TBC1D7: variants seen among roughly 807,000 people sequenced by gnomAD.
TBC1D7 encodes TBC domain family 7.
A neutral mutation model predicts 35.3 loss-of-function variants in TBC1D7; 33 were observed. The observed-to-expected ratio is 0.93, with a 90% CI of 0.71 to 1.25. The LOEUF (loss-of-function observed/expected upper bound fraction) is 1.25, where lower values mean the gene tolerates loss of function less well. Among genes scored for constraint, TBC1D7 ranks in the 50% most tolerant of loss-of-function variants. The pLI is 0.00. For synonymous variants in TBC1D7, 135 were observed against 129.5 expected (o/e 1.04, Z -0.29); for missense variants, 362 against 365.3 (o/e 0.99, Z 0.07).
chr6:13,327,966 A>G (rs1411120263), intron 1 of TBC1D7: 1 of 152,204 alleles, frequency 6.6e-6, no homozygotes, highest in Non-Finnish European at 1.5e-5. Flanking sequence ...GTCACAGGAA[A>G]GATTAGGATT....
chr6:13,318,469 C>T (rs1041416007), intron 4 of TBC1D7, among the ~76,000 whole-genome samples: 2 of 152,178 alleles, frequency 1.3e-5, no homozygotes, highest in Non-Finnish European at 2.9e-5. Flanking sequence ...AATTTAAGAA[C>T]TTGTGTAGTA....
chr6:13,316,630 T>C lies in TBC1D7; in HGVS notation c.460A>G (p.Ile154Val), dbSNP rs2127533914. ...AATTGGTTCACAAAGCGTCGGGTGA[T>C]CCAGTAACAGTCGACACTATCTTCC... is the stretch of plus-strand genomic sequence containing the variant. ...MVEDSVDCYWITRRFVNQLNT... is the reference protein window; with the variant it reads ...MVEDSVDCYWVTRRFVNQLNT... The change falls in exon 5 of 8, where the codon ATC becomes GTC. Residue 154 changes from isoleucine to valine, a missense_variant. Physicochemically the swap from Ile to Val is conservative, Grantham distance 29. Coordinates refer to ENST00000379300, the MANE Select transcript of TBC1D7 (RefSeq NM_016495.6). 1 of 1,613,840 alleles carries C rather than the reference T, an allele frequency of 6.2e-7. No individual in the cohort carries two copies. The highest frequency in any genetic ancestry group is 1.7e-4 in the Middle Eastern group (1 of 6,060).
At chr6:13,326,620 A>G (rs762804955) in intron 2 of TBC1D7, among the ~76,000 whole-genome samples, 167 bp downstream of exon 2, 7 of 152,214 alleles carry the variant, frequency 4.6e-5, no homozygotes, top group Non-Finnish European at 1.0e-4. Context: ...CGCTCAGTGA[A>G]ATATAAATTT....
At chr6:13,306,579 T>C (rs770891954) in intron 6 of TBC1D7, 52 bp from the exon 7 acceptor site, 18 of 1,387,082 alleles carry the variant, frequency 1.3e-5, no homozygotes, top group Non-Finnish European at 1.7e-5. Context: ...GAATTATGTT[T>C]AGCCTAGACA....
chr6:13,325,226 T>A lies in TBC1D7; in HGVS notation c.113-52A>T, dbSNP rs112248527. The A allele has an allele frequency of 2.9e-3, 3,779 of 1,307,668 alleles. 57 individuals carry two copies. Among genetic ancestry groups the A allele is most frequent in the African/African-American group, 0.028 (1,889 of 68,168 alleles). 81.0% of individuals were successfully genotyped at this position (1,307,668 alleles called of 1,614,324 possible). On this transcript the variant is annotated intron_variant, in intron 2 of 7. Coordinates refer to ENST00000379300, the MANE Select transcript of TBC1D7 (RefSeq NM_016495.6). ...GAAGCTTTTCATGCTGATCACAGTA[T>A]GTCAAGGCACATTTCATTTTTTAAA...
At position 13,323,399 on chromosome 6, in the gene TBC1D7, G is replaced by C. The variant is rs527395217; in HGVS notation, c.193+1695C>G. On this transcript the variant is annotated intron_variant, in intron 3 of 7. Transcript: ENST00000379300. ...GAAAGAATGGTTAAGAAGAGTAGAA[G>C]TGAGGAATAAGCCAGATAGGCTGTA... 1.3e-4 allele frequency among the ~76,000 whole-genome samples: 20 copies of C among 152,010 alleles called. 1 individual carries two copies. In the South Asian group the frequency reaches 4.0e-3, roughly 30 times the overall value.
chr6:13,305,277 A>G (rs1782732342), intron 7 of TBC1D7, 90 bp from the exon 8 acceptor site: 1 of 1,245,058 alleles, frequency 8.0e-7, no homozygotes, highest in East Asian at 2.4e-5. Flanking sequence ...ATCCACTTCC[A>G]TGGGAGTTTG....
At chr6:13,320,680 G>A in intron 4 of TBC1D7, 1 of 655,292 alleles carries the variant, frequency 1.5e-6, no homozygotes, top group Non-Finnish European at 2.7e-6. Context: ...AACTTTTCTG[G>A]AAGTTTGAAA....
chr6:13,315,392 T>A (rs1186360380), intron 5 of TBC1D7, among the ~76,000 whole-genome samples: 1 of 152,232 alleles, frequency 6.6e-6, no homozygotes, highest in Non-Finnish European at 1.5e-5. Context: ...GCTTACCTCA[T>A]TACAGGAATA....
intron 4 of TBC1D7, chr6:13,318,096 A>G (rs34307819): frequency 0.19 from 29,353 of 152,254 alleles, 3,979 homozygotes; most frequent in African/African-American, 0.38. Flanking sequence ...CAGCCCCCTC[A>G]CCATGTGATA....
At chr6:13,324,135 T>G (rs962303135) in intron 3 of TBC1D7, among the ~76,000 whole-genome samples, 2 of 89,918 alleles carry the variant, frequency 2.2e-5, no homozygotes, top group African/African-American at 4.0e-5. Flanking sequence ...TGTTTTTTGT[T>G]TTTTTTTTTG....
At position 13,306,384 on chromosome 6, in the gene TBC1D7, C is replaced by A; in HGVS notation, c.795+14G>T. 1.3e-6 allele frequency: 2 copies of A among 1,578,088 alleles called. No individual in the cohort carries two copies. The highest frequency in any genetic ancestry group is 2.4e-5 in the South Asian group (2 of 82,908). ...TTCATTTCCAGATTCAAAATCAAAT[C>A]AAAGCACACTTACATTTTCCAGAAA... is the stretch of plus-strand genomic sequence containing the variant. On this transcript the variant is annotated intron_variant, in intron 7 of 7. Transcript: ENST00000379300.
intron 5 of TBC1D7, among the ~76,000 whole-genome samples, chr6:13,309,192 C>G (rs1266538252): frequency 1.3e-5 from 2 of 152,168 alleles, no homozygotes. Flanking sequence ...GATATATGCA[C>G]TTTTTTCCTA....
At position 13,328,441 on chromosome 6, in the gene TBC1D7, G is replaced by A. The variant is rs1289971236; in HGVS notation, c.-154C>T. The A allele has an allele frequency of 6.6e-6, 1 of 151,796 alleles. No individual in the cohort carries two copies. The highest frequency in any genetic ancestry group is 1.5e-5 in the Non-Finnish European group (1 of 67,208). 9.4% of individuals were successfully genotyped at this position (151,796 alleles called of 1,614,324 possible). ...AGGGACGAGTCCTGCGGGAAGGAGGGAGGCGGCGGGGTACCTGGGACACCC... is the reference window on the plus strand; with the variant it reads ...AGGGACGAGTCCTGCGGGAAGGAGGAAGGCGGCGGGGTACCTGGGACACCC... On this transcript the variant is annotated 5_prime_UTR_variant, in exon 1 of 8. Coordinates refer to ENST00000379300, the MANE Select transcript of TBC1D7 (RefSeq NM_016495.6).
At chr6:13,316,238 G>A (rs1215093602) in intron 5 of TBC1D7, among the ~76,000 whole-genome samples, 1 of 152,212 alleles carries the variant, frequency 6.6e-6, no homozygotes, top group East Asian at 1.9e-4. Context: ...CTCTAGACCA[G>A]CGGATTCTAG....
intron 5 of TBC1D7, among the ~76,000 whole-genome samples, chr6:13,308,952 T>C (rs1342813060): frequency 1.3e-5 from 2 of 152,188 alleles, no homozygotes; most frequent in Non-Finnish European, 2.9e-5. Context: ...GCAGAAGCAG[T>C]TTCTCAGGAG....
chr6:13,313,545 C>T (rs6919577), intron 5 of TBC1D7, among the ~76,000 whole-genome samples: 3 of 137,672 alleles, frequency 2.2e-5, no homozygotes, highest in Non-Finnish European at 3.1e-5. Context: ...CTCGTAGGTA[C>T]CAAGCCTAGA....
intron 4 of TBC1D7, among the ~76,000 whole-genome samples, chr6:13,318,563 C>T (rs1182383180): frequency 1.3e-5 from 2 of 152,094 alleles, no homozygotes; most frequent in African/African-American, 4.8e-5. Context: ...CCTTCTCTCT[C>T]GATAAACGTA....
intron 6 of TBC1D7, 134 bp from the exon 7 acceptor site, chr6:13,306,661 TAATCACCAAAACAACAACA>T (rs1438048603): frequency 1.8e-5 from 12 of 667,110 alleles, no homozygotes; most frequent in Non-Finnish European, 2.8e-5. Context: ...TTTTATGAAA[TAATCACCAAAACAACAACA>T]AAATACAGAA....
Sources: allele counts gnomAD v4.1 joint callset (sites outside exome capture counted in the v4.1 genomes callset), GRCh38; gene constraint gnomAD v4.1.1; transcripts MANE v1.5; gene names NCBI Gene and HGNC (gene_info 2026-07-23, HGNC 2026-07-21).